Variants in RELL1 observed in about 807,000 individuals in gnomAD.
RELL1 encodes RELT-like protein 1.
In RELL1, 10 loss-of-function variants were observed where a neutral mutation model predicts 23.0. That is an observed-to-expected ratio of 0.43 (90% confidence interval 0.27 to 0.74). The LOEUF is 0.74. Ranked by LOEUF, RELL1 falls within the 30% of genes least tolerant of loss-of-function variation. RELL1 has a pLI of 0.19. For missense variants in RELL1, 315 were observed against 364.4 expected, an observed-to-expected ratio of 0.86 and a Z score of 1.10; for synonymous variants, 146 against 146.8, an observed-to-expected ratio of 0.99 and a Z score of 0.04.
At chr4:37,593,009 G>A (rs1282437194) in intron 6 of RELL1, among the ~76,000 whole-genome samples, 1 of 152,202 alleles carries the variant, frequency 6.6e-6, no homozygotes, top group African/African-American at 2.4e-5. Flanking sequence ...AATGCTTAAT[G>A]AGCCTATGGG....
chr4:37,660,515 T>C (rs1405736132), intron 1 of RELL1, among the ~76,000 whole-genome samples: 1 of 152,196 alleles, frequency 6.6e-6, no homozygotes, highest in Non-Finnish European at 1.5e-5. Context: ...TAGCAAACCC[T>C]GCACTGACCT....
At chr4:37,644,793 A>C (rs1720654288) in intron 3 of RELL1, among the ~76,000 whole-genome samples, 1 of 152,124 alleles carries the variant, frequency 6.6e-6, no homozygotes, top group Non-Finnish European at 1.5e-5. Context: ...TTAATGCTTA[A>C]GGATTTCTAC....
intron 1 of RELL1, among the ~76,000 whole-genome samples, chr4:37,684,265 C>T (rs954758045): frequency 6.6e-6 from 1 of 151,940 alleles, no homozygotes; most frequent in Non-Finnish European, 1.5e-5. Flanking sequence ...CTTCTCTTTA[C>T]ACACGCCTCA....
rs550196934 is a variant in RELL1, at chr4:37,659,145, A to G, written c.89-9645T>C. 1.9e-4 allele frequency among the ~76,000 whole-genome samples: 29 copies of G among 152,352 alleles called. No individual in the cohort carries two copies. The South Asian group carries it at 5.8e-3, about 30-fold the overall frequency. On this transcript the variant is annotated intron_variant, in intron 1 of 6. Coordinates refer to ENST00000454158, the MANE Select transcript of RELL1 (RefSeq NM_001085400.2). ...GCTGGTAAGTGTGATTCTCTTCCAC[A>G]GCACCACAAATAAAAAATGTCCAAC... is the stretch of plus-strand genomic sequence containing the variant.
At chr4:37,680,361 A>C (rs115258152) in intron 1 of RELL1, among the ~76,000 whole-genome samples, 1 of 152,338 alleles carries the variant, frequency 6.6e-6, no homozygotes, top group African/African-American at 2.4e-5. Context: ...TTTTCTGTGG[A>C]AGTCCTCTGA....
intron 3 of RELL1, among the ~76,000 whole-genome samples, chr4:37,642,444 A>G (rs977104597): frequency 1.3e-5 from 2 of 152,214 alleles, no homozygotes; most frequent in South Asian, 4.1e-4. Flanking sequence ...GTTCGGCTCT[A>G]TTTAGAAAGA....
chr4:37,680,301 C>G lies in RELL1; in HGVS notation c.88+5899G>C, dbSNP rs569561672. Among the ~76,000 whole-genome samples, 13 of 152,316 alleles carry G rather than the reference C, an allele frequency of 8.5e-5. No homozygotes were observed. The South Asian group carries it at 2.7e-3, about 32-fold the overall frequency. On this transcript the variant is annotated intron_variant, in intron 1 of 6. Coordinates refer to ENST00000454158, the MANE Select transcript of RELL1 (RefSeq NM_001085400.2). Reference sequence around the variant, plus strand: ...GATCAACACTGATGTCATCAATTGCCTCAAAAATGTGAACATCTTTGACCC... The same window carrying G: ...GATCAACACTGATGTCATCAATTGCGTCAAAAATGTGAACATCTTTGACCC...
At chr4:37,630,256 A>G (rs1720075364) in intron 6 of RELL1, among the ~76,000 whole-genome samples, 1 of 152,078 alleles carries the variant, frequency 6.6e-6, no homozygotes, top group South Asian at 2.1e-4. Context: ...AGAAACATGG[A>G]AAGGATAAAT....
intron 1 of RELL1, among the ~76,000 whole-genome samples, chr4:37,677,861 A>C (rs536097753): frequency 3.3e-5 from 5 of 152,116 alleles, no homozygotes; most frequent in African/African-American, 1.2e-4. Flanking sequence ...AATCCCAGCT[A>C]CTCAGGAGGC....
At chr4:37,606,371 A>G (rs1719222820), downstream of RELL1, among the ~76,000 whole-genome samples, 3 of 152,170 alleles carry the variant, frequency 2.0e-5, no homozygotes, top group South Asian at 4.1e-4. The surrounding 1 kb of genome is among the most constrained non-coding windows in gnomAD (Gnocchi z 4.1). Context: ...GGATCCACCA[A>G]TGGTTGGTGT....
Position 37,664,691 on chromosome 4 carries a change from C to T in RELL1, c.89-15191G>A, listed in dbSNP as rs7691131. Among the ~76,000 whole-genome samples, 424 of 152,230 alleles carry T rather than the reference C, an allele frequency of 2.8e-3. 2 individuals are homozygous for T. The highest frequency in any genetic ancestry group is 9.5e-3 in the African/African-American group (395 of 41,532). ...TATAAAAGTTCCCACCCAAATAACA[C>T]ACTTTTCAATGCACTTTCACATTCA... is the stretch of plus-strand genomic sequence containing the variant. On this transcript the variant is annotated intron_variant, in intron 1 of 6. Coordinates refer to ENST00000454158, the MANE Select transcript of RELL1 (RefSeq NM_001085400.2).
intron 1 of RELL1, among the ~76,000 whole-genome samples, chr4:37,669,640 G>C (rs1721749906): frequency 6.6e-6 from 1 of 152,238 alleles, no homozygotes; most frequent in Non-Finnish European, 1.5e-5. Context: ...TGCCGTGTCT[G>C]TGTAGAAAGA....
chr4:37,624,566 G>A (rs1391431201), intron 6 of RELL1, among the ~76,000 whole-genome samples: 1 of 151,502 alleles, frequency 6.6e-6, no homozygotes, highest in Non-Finnish European at 1.5e-5. Context: ...TGGGACTACA[G>A]GCACCCGCCA....
intron 6 of RELL1, among the ~76,000 whole-genome samples, chr4:37,629,588 T>C (rs1720055701): frequency 6.6e-6 from 1 of 152,112 alleles, no homozygotes; most frequent in Non-Finnish European, 1.5e-5. Context: ...ATGGTAGACT[T>C]TTCTGTACTG....
At chr4:37,593,917 CAA>C (rs756260403) in intron 6 of RELL1, among the ~76,000 whole-genome samples, 3 of 152,144 alleles carry the variant, frequency 2.0e-5, no homozygotes, top group Admixed American at 1.3e-4. Flanking sequence ...GAAATTCAGA[CAA>C]AGAAGGGGTA....
At chr4:37,670,069 A>G (rs1158019193) in intron 1 of RELL1, among the ~76,000 whole-genome samples, 1 of 150,402 alleles carries the variant, frequency 6.6e-6, no homozygotes, top group Non-Finnish European at 1.5e-5. Flanking sequence ...AAAAAAAAAA[A>G]AGAAAGAAAA....
intron 1 of RELL1, among the ~76,000 whole-genome samples, chr4:37,669,090 T>C (rs1721669255): frequency 1.7e-5 from 2 of 119,364 alleles, no homozygotes; most frequent in African/African-American, 3.8e-5. Flanking sequence ...AGCCGCCCCG[T>C]CTGGGAGGTG....
At chr4:37,588,324 G>A (rs116204614), downstream of RELL1, 2,959 of 152,974 alleles carry the variant, frequency 0.019, 57 homozygotes, top group Non-Finnish European at 0.024. Flanking sequence ...GCGATGACTC[G>A]GGCTATCACG....
intron 6 of RELL1, chr4:37,622,811 T>G: frequency 2.2e-6 from 1 of 450,228 alleles, no homozygotes; most frequent in Non-Finnish European, 4.4e-6. Flanking sequence ...TTTTTTTTTT[T>G]TTTTTTTTCT....
Sources: gnomAD v4.1 joint callset for allele counts (sites outside exome capture counted in the v4.1 genomes callset) on GRCh38, gnomAD v4.1.1 for gene constraint, Gnocchi (gnomAD v3.1) non-coding constraint, MANE v1.5 for transcripts, NCBI Gene and HGNC (gene_info 2026-07-23, HGNC 2026-07-21) for gene names.